Variants in EMX1 observed in about 807,000 individuals in gnomAD.
EMX1 encodes empty spiracles homeobox 1.
A neutral mutation model predicts 20.1 loss-of-function variants in EMX1; 10 were observed. The observed-to-expected ratio is 0.50, with a 90% confidence interval of 0.31 to 0.84. The LOEUF (loss-of-function observed/expected upper bound fraction) is 0.84, where lower values mean the gene tolerates loss of function less well. Among genes scored for constraint, EMX1 ranks in the 40% least tolerant of loss-of-function variants. The pLI is 0.05. For missense variants in EMX1, 424 were observed against 431.9 expected (o/e 0.98, Z 0.16); for synonymous variants, 250 against 200.4 (o/e 1.25, Z -2.09).
chr2:72,925,529 G>A (rs936655997), intron 2 of EMX1: 12 of 1,288,668 alleles, frequency 9.3e-6, no homozygotes, highest in Non-Finnish European at 1.2e-5. Flanking sequence ...CCGGCTCCCA[G>A]AGTTGCGAGA....
intron 1 of EMX1, 68 bp from the exon 2 acceptor site, chr2:72,924,241 C>T (rs1333084843): frequency 3.3e-6 from 5 of 1,529,684 alleles, no homozygotes; most frequent in South Asian, 2.4e-5. Context: ...CTCTGTTGGG[C>T]CCCGGCTCAC....
At chr2:72,928,307 G>T (rs994427205) in intron 2 of EMX1, among the ~76,000 whole-genome samples, 114 of 152,328 alleles carry the variant, frequency 7.5e-4, no homozygotes, top group African/African-American at 2.6e-3. Flanking sequence ...CTGGGCCTGG[G>T]TCATTGCAGA....
intron 1 of EMX1, among the ~76,000 whole-genome samples, chr2:72,920,092 C>G (rs528201867): frequency 6.6e-6 from 1 of 152,290 alleles, no homozygotes; most frequent in Non-Finnish European, 1.5e-5. Context: ...TTCAGCTTGT[C>G]CGGAGTCGGC....
intron 2 of EMX1, among the ~76,000 whole-genome samples, chr2:72,929,806 T>C (rs1671255418): frequency 6.6e-6 from 1 of 152,260 alleles, no homozygotes; most frequent in Admixed American, 6.5e-5. Context: ...TGTTCTTGCA[T>C]GCATGTCTTC....
At chr2:72,932,750 T>G (rs976112036) in intron 2 of EMX1, among the ~76,000 whole-genome samples, 1 of 152,168 alleles carries the variant, frequency 6.6e-6, no homozygotes, top group Admixed American at 6.5e-5. Context: ...TTGTCCAGTT[T>G]CTGTTTGAAC....
At chr2:72,927,844 T>TACACACTA (rs1431175496) in intron 2 of EMX1, among the ~76,000 whole-genome samples, 2 of 152,262 alleles carry the variant, frequency 1.3e-5, no homozygotes, top group African/African-American at 4.8e-5. Context: ...CCCATACAAA[T>TACACACTA]ACACACTAAC....
chr2:72,931,996 T>G (rs1671295170), intron 2 of EMX1, among the ~76,000 whole-genome samples: 1 of 152,030 alleles, frequency 6.6e-6, no homozygotes, highest in South Asian at 2.1e-4. Context: ...TGAAACCATC[T>G]GCAGGGCACA....
intron 2 of EMX1, among the ~76,000 whole-genome samples, chr2:72,927,742 CCTGT>C: frequency 1.3e-5 from 2 of 152,326 alleles, no homozygotes; most frequent in Admixed American, 1.3e-4. Flanking sequence ...AGAGGCCAAG[CCTGT>C]CTGTTTCTTA....
chr2:72,917,815 G>A lies in EMX1; in HGVS notation c.-38G>A. On this transcript the variant is annotated 5_prime_UTR_variant, in exon 1 of 3. Coordinates refer to ENST00000258106, the MANE Select transcript of EMX1 (RefSeq NM_004097.3). ...TCGCCCGCGGGGGCCGAGCGCGAGC[G>A]GGCGGGCGGGGGAGGTGAGGGGTGC... The A allele has an allele frequency of 2.3e-6, 3 of 1,276,838 alleles. No homozygotes were observed. Among genetic ancestry groups the A allele is most frequent in the South Asian group, 2.6e-5 (1 of 38,526 alleles). The allele number at this position is 1,276,838 out of a possible 1,614,324, so 79.1% of individuals were successfully genotyped here.
In EMX1 at chr2:72,924,403, G is replaced by A. The variant is rs1380137589; in HGVS notation, c.615G>A (p.Leu205=). Residue 205 remains leucine, a synonymous_variant, in exon 2 of 3, where the codon CTG becomes CTA. Transcript: ENST00000258106. ...CGGCCTTCTCGCCCTCGCAGCTGCTGCGGCTGGAGCGCGCCTTCGAGAAGA... is the reference window on the plus strand; with the variant it reads ...CGGCCTTCTCGCCCTCGCAGCTGCTACGGCTGGAGCGCGCCTTCGAGAAGA... The part of the protein sequence containing the change: ...IRTAFSPSQL[L]RLERAFEKNH... The A allele has an allele frequency of 6.3e-7, 1 of 1,592,878 alleles. No homozygotes were observed. The highest frequency in any genetic ancestry group is 2.3e-5 in the East Asian group (1 of 44,164).
intron 1 of EMX1, 66 bp downstream of exon 1, chr2:72,918,438 G>C: frequency 7.4e-7 from 1 of 1,348,400 alleles, no homozygotes; most frequent in East Asian, 3.1e-5. Context: ...ATGCGGGGGA[G>C]GCTCGGGGGC....
chr2:72,916,618 G>T, upstream of EMX1: 1 of 677,986 alleles, frequency 1.5e-6, no homozygotes. Flanking sequence ...GTCGCGGGTG[G>T]AAGGTGAAGG....
Position 72,924,418 on chromosome 2 carries a change from C to T in EMX1, c.630C>T (p.Ala210=). Residue 210 remains alanine, a synonymous_variant, in exon 2 of 3, where the codon GCC becomes GCT. Transcript: ENST00000258106. ...CGCAGCTGCTGCGGCTGGAGCGCGC[C>T]TTCGAGAAGAACCACTACGTGGTGG... The part of the protein sequence containing the change: ...SPSQLLRLER[A]FEKNHYVVGA... 9 of 1,595,840 alleles carry T rather than the reference C, an allele frequency of 5.6e-6. No individual in the cohort carries two copies. Among genetic ancestry groups the T allele is most frequent in the South Asian group, 3.4e-5 (3 of 88,878 alleles).
At chr2:72,916,752 CCCG>C (rs1559055802), upstream of EMX1, 1 of 717,282 alleles carries the variant, frequency 1.4e-6, no homozygotes, top group Non-Finnish European at 2.6e-6. Flanking sequence ...CCTGGTCCGG[CCCG>C]CCGACACTTG....
intron 2 of EMX1, among the ~76,000 whole-genome samples, chr2:72,931,120 G>T: frequency 6.6e-6 from 1 of 152,228 alleles, no homozygotes; most frequent in East Asian, 1.9e-4. Flanking sequence ...CCTGCCTCTA[G>T]AGAGATGCCT....
intron 2 of EMX1, among the ~76,000 whole-genome samples, chr2:72,928,873 G>A (rs1671243616): frequency 6.6e-6 from 1 of 152,158 alleles, no homozygotes; most frequent in Non-Finnish European, 1.5e-5. Flanking sequence ...GACTTGGGGG[G>A]ATGCCTAGGA....
intron 2 of EMX1, among the ~76,000 whole-genome samples, chr2:72,925,112 G>C (rs1671173449): frequency 6.6e-6 from 1 of 152,216 alleles, no homozygotes; most frequent in South Asian, 2.1e-4. Context: ...CCGGCTGATA[G>C]GGCTGTGGAA....
chr2:72,933,616 G>A lies in EMX1; in HGVS notation c.706-171G>A, dbSNP rs986447258. On this transcript the variant is annotated intron_variant, in intron 2 of 2. Transcript: ENST00000258106. ...TGCCCTGCCATCCCCTTCTGTGAAT[G>A]TTAGACCCATGGGAGCAGCTGGTCA... 1.3e-5 allele frequency: 9 copies of A among 700,628 alleles called. 1 individual carries two copies. The highest frequency in any genetic ancestry group is 1.9e-5 in the Non-Finnish European group (8 of 427,248). The allele number at this position is 700,628 out of a possible 1,614,324, so 43.4% of individuals were successfully genotyped here.
At chr2:72,916,974 T>G (rs1670975435), upstream of EMX1, 3 of 714,476 alleles carry the variant, frequency 4.2e-6, no homozygotes, top group Non-Finnish European at 7.8e-6. Context: ...AGCGTCCCCT[T>G]TCCAGAGCTG....
Sources: allele counts gnomAD v4.1 joint callset (sites outside exome capture counted in the v4.1 genomes callset), GRCh38; gene constraint gnomAD v4.1.1; transcripts MANE v1.5; gene names NCBI Gene and HGNC (gene_info 2026-07-23, HGNC 2026-07-21).